DOCK8: variants seen among roughly 807,000 people sequenced by gnomAD.
DOCK8 encodes the protein dedicator of cytokinesis 8, also known as dedicator of cytokinesis protein 8.
DOCK8 carries 141 observed loss-of-function variants against 245.6 expected under a neutral mutation model. That is an observed-to-expected ratio of 0.57 (90% CI 0.50 to 0.66). The LOEUF is 0.66. Ranked by LOEUF, DOCK8 falls within the 30% of genes least tolerant of loss-of-function variation. DOCK8 has a pLI of 0.00. For missense variants in DOCK8, 2,965 were observed against 2,603.4 expected, an observed-to-expected ratio of 1.14 and a Z score of -3.02; for synonymous variants, 1,168 against 970.2, an observed-to-expected ratio of 1.20 and a Z score of -3.79.
chr9:398,832 G>T (rs1393119407), intron 25 of DOCK8, among the ~76,000 whole-genome samples: 1 of 151,382 alleles, frequency 6.6e-6, no homozygotes, highest in South Asian at 2.1e-4. Context: ...AAAGTTACCA[G>T]GATATAAAAA....
Position 340,250 on chromosome 9 carries a change from C to T in DOCK8, c.1608C>T (p.Asn536=). The T allele has an allele frequency of 2.5e-6, 4 of 1,614,132 alleles. No individual in the cohort carries two copies. Among genetic ancestry groups the T allele is most frequent in the Non-Finnish European group, 3.4e-6 (4 of 1,180,026 alleles). The change falls in exon 14 of 48, where the codon AAC becomes AAT. Residue 536 remains asparagine (N), a synonymous_variant. Coordinates refer to ENST00000432829, the MANE Select transcript of DOCK8 (RefSeq NM_203447.4). ...EMLPVKPFPE[N]RTRPHKEILE... ...TGCCCGTGAAACCCTTTCCTGAAAACCGGACACGCCCGCACAAAGAGATTT... is the reference window on the plus strand; with the variant it reads ...TGCCCGTGAAACCCTTTCCTGAAAATCGGACACGCCCGCACAAAGAGATTT...
intron 1 of DOCK8, among the ~76,000 whole-genome samples, chr9:244,207 AAAT>A (rs1410324775): frequency 1.4e-3 from 212 of 151,192 alleles, no homozygotes; most frequent in African/African-American, 4.5e-3. Flanking sequence ...AAAAAAAAAA[AAAT>A]TTTAGCTCTC....
intron 22 of DOCK8, among the ~76,000 whole-genome samples, chr9:385,209 G>A (rs2053900084): frequency 6.6e-6 from 1 of 152,168 alleles, no homozygotes; most frequent in Non-Finnish European, 1.5e-5. Flanking sequence ...ATGCAATGTG[G>A]TATGCTAGAT....
rs1047563996 is a variant in DOCK8 at position 358,085 on chromosome 9, T to C, written c.1680-9933T>C. On this transcript the variant is annotated intron_variant, in intron 14 of 47. Transcript: ENST00000432829. ...CCTTCTCATTCTATTTATTTATTTA[T>C]TTACTTACTTATTTCTTGAGACAGG... is the stretch of plus-strand genomic sequence containing the variant. 7.2e-5 allele frequency among the ~76,000 whole-genome samples: 11 copies of C among 152,346 alleles called. 1 individual carries two copies. The highest frequency in any genetic ancestry group is 6.8e-3 in the Middle Eastern group (2 of 294).
Position 439,241 on chromosome 9 carries a change from T to C in DOCK8, c.5080-4T>C. The C allele has an allele frequency of 6.2e-7, 1 of 1,614,164 alleles. No individual in the cohort carries two copies. Among genetic ancestry groups the C allele is most frequent in the East Asian group, 2.2e-5 (1 of 44,880 alleles). On this transcript the variant is annotated splice_region_variant and splice_polypyrimidine_tract_variant and intron_variant, in intron 39 of 47. Transcript: ENST00000432829. ...CTCCAGGCTTATACTGTGGTCTCTT[T>C]CAGAATATTTCTTCCAATGTGCTGG...
At chr9:285,469 C>T (rs2048782644) in intron 2 of DOCK8, among the ~76,000 whole-genome samples, 1 of 152,140 alleles carries the variant, frequency 6.6e-6, no homozygotes, top group South Asian at 2.1e-4. Context: ...ACTTCCCCAC[C>T]ACCCCCAACC....
At chr9:430,007 C>T (rs2056651698) in intron 36 of DOCK8, among the ~76,000 whole-genome samples, 153 bp downstream of exon 36, 1 of 152,236 alleles carries the variant, frequency 6.6e-6, no homozygotes, top group Non-Finnish European at 1.5e-5. Context: ...TAGATAGCAG[C>T]TTCCATTTTA....
chr9:415,011 C>T lies in DOCK8; in HGVS notation c.3700+60C>T, dbSNP rs563822445. On this transcript the variant is annotated intron_variant, in intron 29 of 47. Transcript: ENST00000432829. ...GGGGGCCCCTGCCAAATGCCCCATC[C>T]GAATGAGATCTCTGTCATTCGTTCC... is the stretch of plus-strand genomic sequence containing the variant. 801 of 1,594,546 alleles carry T rather than the reference C, an allele frequency of 5.0e-4. 3 individuals are homozygous for T. Among genetic ancestry groups the T allele is most frequent in the Admixed American group, 1.9e-3 (112 of 59,962 alleles).
chr9:373,255 A>G (rs991500489), intron 18 of DOCK8, among the ~76,000 whole-genome samples: 1 of 152,214 alleles, frequency 6.6e-6, no homozygotes, highest in African/African-American at 2.4e-5. Context: ...CCCACTTCTC[A>G]GTTCCTTGCA....
At chr9:369,995 G>C (rs2053210856) in intron 15 of DOCK8, 1 of 558,162 alleles carries the variant, frequency 1.8e-6, no homozygotes, top group Admixed American at 3.0e-5. Context: ...TAGAGATGAG[G>C]TTTCGCCATG....
intron 2 of DOCK8, among the ~76,000 whole-genome samples, chr9:274,602 G>A (rs2048273702): frequency 6.7e-6 from 1 of 150,064 alleles, no homozygotes; most frequent in South Asian, 2.1e-4. Context: ...TTGAGTCATC[G>A]TCCCGAATGA....
intron 1 of DOCK8, among the ~76,000 whole-genome samples, chr9:219,766 T>G (rs1222818288): frequency 2.0e-5 from 3 of 152,056 alleles, no homozygotes; most frequent in African/African-American, 7.2e-5. Flanking sequence ...CTGTGGTGGC[T>G]TGCACCTGTA....
upstream of DOCK8, chr9:214,684 G>C: frequency 1.3e-6 from 2 of 1,581,552 alleles, no homozygotes; most frequent in Non-Finnish European, 1.7e-6. Flanking sequence ...CCCGGGCAGA[G>C]CGCGCCGTCT....
At chr9:242,551 G>T (rs886989382) in intron 1 of DOCK8, among the ~76,000 whole-genome samples, 1 of 152,130 alleles carries the variant, frequency 6.6e-6, no homozygotes, top group Non-Finnish European at 1.5e-5. Flanking sequence ...GCATTACCTT[G>T]TATAAGTCTT....
chr9:406,866 C>G lies in DOCK8; in HGVS notation c.3391-64C>G. The G allele has an allele frequency of 6.2e-6, 10 of 1,608,962 alleles. No homozygotes were observed. The South Asian group carries it at 1.1e-4, about 18-fold the overall frequency. On this transcript the variant is annotated intron_variant, in intron 27 of 47. Coordinates refer to ENST00000432829, the MANE Select transcript of DOCK8 (RefSeq NM_203447.4). Reference sequence around the variant, plus strand: ...GGCTGGGGCGAGGACTCAGTAAACACTGGCCATCGCTATTTTCATTCCAGT... The same window carrying G: ...GGCTGGGGCGAGGACTCAGTAAACAGTGGCCATCGCTATTTTCATTCCAGT...
intron 2 of DOCK8, among the ~76,000 whole-genome samples, chr9:272,068 G>T (rs1039434718): frequency 6.6e-6 from 1 of 151,956 alleles, no homozygotes; most frequent in Non-Finnish European, 1.5e-5. Flanking sequence ...GCATTTTTTT[G>T]GAAAAGCATA....
chr9:427,844 G>A (rs2056557508), intron 34 of DOCK8, among the ~76,000 whole-genome samples: 2 of 152,074 alleles, frequency 1.3e-5, no homozygotes, highest in Non-Finnish European at 2.9e-5. Flanking sequence ...TCTTTATATA[G>A]CACAATATTA....
chr9:371,876 G>A (rs1268874367), intron 17 of DOCK8, among the ~76,000 whole-genome samples: 3 of 152,092 alleles, frequency 2.0e-5, no homozygotes, highest in Non-Finnish European at 4.4e-5. Context: ...CCCCCAAGAA[G>A]AAACCATTTT....
chr9:372,318 T>A, intron 18 of DOCK8, 32 bp downstream of exon 18: 3 of 1,557,112 alleles, frequency 1.9e-6, no homozygotes, highest in Non-Finnish European at 2.7e-6. Context: ...AGCTGTTTCT[T>A]GTCCAGCTGT....
Sources: allele counts gnomAD v4.1 joint callset (sites outside exome capture counted in the v4.1 genomes callset), GRCh38; gene constraint gnomAD v4.1.1; transcripts MANE v1.5; gene names NCBI Gene and HGNC (gene_info 2026-07-23, HGNC 2026-07-21).